Variants in PLCG2 observed in about 807,000 individuals in gnomAD.
The protein encoded by PLCG2 is phospholipase C gamma 2.
A neutral mutation model predicts 175.6 loss-of-function variants in PLCG2; 69 were observed. The observed-to-expected ratio is 0.39, with a 90% CI of 0.32 to 0.48. PLCG2 has a LOEUF of 0.48. Ranked by LOEUF, PLCG2 falls within the 20% of genes least tolerant of loss-of-function variation. The pLI is 0.91. For synonymous variants in PLCG2, 827 were observed against 624.0 expected (o/e 1.33, Z -4.85); for missense variants, 1,798 against 1,650.9 (o/e 1.09, Z -1.54).
intron 3 of PLCG2, among the ~76,000 whole-genome samples, chr16:81,855,627 C>CGGGGA (rs1567500486): frequency 1.3e-5 from 2 of 152,254 alleles, no homozygotes; most frequent in East Asian, 1.9e-4. Flanking sequence ...AGCTCTCAGT[C>CGGGGA]GACTTGGGGA....
chr16:81,942,176 C>A (rs988378948), intron 30 of PLCG2, among the ~76,000 whole-genome samples: 1 of 152,148 alleles, frequency 6.6e-6, no homozygotes, highest in Non-Finnish European at 1.5e-5. Flanking sequence ...GTTACCCCGA[C>A]GTCCTCTTGA....
Position 81,800,004 on chromosome 16 carries a change from A to G in PLCG2, c.193+13822A>G, listed in dbSNP as rs1372629370. Among the ~76,000 whole-genome samples, 4 of 152,246 alleles carry G rather than the reference A, an allele frequency of 2.6e-5. No individual in the cohort carries two copies. The South Asian group carries it at 6.2e-4, about 24-fold the overall frequency. On this transcript the variant is annotated intron_variant, in intron 2 of 32. Transcript: ENST00000564138. ...GACTGCCTGGGTTCAGATCTTGGCTATGCCACTTATCCCATTTGTGGCCAT... is the reference window on the plus strand; with the variant it reads ...GACTGCCTGGGTTCAGATCTTGGCTGTGCCACTTATCCCATTTGTGGCCAT...
chr16:81,948,492 G>C (rs538388869), intron 31 of PLCG2, among the ~76,000 whole-genome samples: 97 of 152,282 alleles, frequency 6.4e-4, no homozygotes, highest in African/African-American at 2.1e-3. Flanking sequence ...TGCAAGGGGT[G>C]GAGAGGCCCT....
Position 81,869,222 on chromosome 16 carries a change from T to C in PLCG2, c.488T>C (p.Leu163Pro), listed in dbSNP as rs1214602594. Reference sequence around the variant, plus strand: ...GTCTCCCTCTTTTGCAGCATCAGTCTCCGAGAGTTGAAGACCATCTTGCCC... The same window carrying C: ...GTCTCCCTCTTTTGCAGCATCAGTCCCCGAGAGTTGAAGACCATCTTGCCC... ...VDQTRRNSIS[L>P]RELKTILPLI... The change falls in exon 6 of 33, where the codon CTC becomes CCC. Residue 163 changes from leucine (L) to proline (P), a missense_variant. By Grantham distance (98) the Leu-to-Pro change is moderately conservative. Transcript: ENST00000564138. 2 of 1,613,668 alleles carry C rather than the reference T, an allele frequency of 1.2e-6. No individual in the cohort carries two copies. Among genetic ancestry groups the C allele is most frequent in the East Asian group, 2.2e-5 (1 of 44,890 alleles).
intron 26 of PLCG2, 42 bp from the exon 27 acceptor site, chr16:81,936,127 A>G (rs374636399): frequency 2.5e-6 from 4 of 1,608,298 alleles, no homozygotes; most frequent in Non-Finnish European, 3.4e-6. Context: ...AAATGCACAG[A>G]TGAGACACAG....
intron 2 of PLCG2, among the ~76,000 whole-genome samples, chr16:81,839,518 A>G (rs576778029): frequency 1.5e-4 from 23 of 152,262 alleles, no homozygotes; most frequent in Non-Finnish European, 2.1e-4. Context: ...TTTTTGTTAT[A>G]TTTGCATACC....
At position 81,927,888 on chromosome 16, in the gene PLCG2, G is replaced by A. The variant is rs141941061; in HGVS notation, c.2515-670G>A. On this transcript the variant is annotated intron_variant, in intron 23 of 32. Transcript: ENST00000564138. ...GGCAGTGGGAATGTGGTTGTGTTCC[G>A]TGTGCTTGGGCTGAGGCAGAGACTG... is the stretch of plus-strand genomic sequence containing the variant. 2.4e-3 allele frequency among the ~76,000 whole-genome samples: 368 copies of A among 152,302 alleles called. 1 individual carries two copies. Among genetic ancestry groups the A allele is most frequent in the African/African-American group, 8.3e-3 (343 of 41,554 alleles).
At chr16:81,806,002 C>A (rs1010657637) in intron 2 of PLCG2, among the ~76,000 whole-genome samples, 1 of 151,618 alleles carries the variant, frequency 6.6e-6, no homozygotes, top group African/African-American at 2.4e-5. Flanking sequence ...GTGAAACTAA[C>A]TTTATTAATA....
intron 2 of PLCG2, among the ~76,000 whole-genome samples, chr16:81,758,070 G>A (rs1355586734): frequency 6.6e-6 from 1 of 152,110 alleles, no homozygotes. Flanking sequence ...CCACCTCACG[G>A]GCTCAAGCGA....
At chr16:81,790,260 AG>A (rs1911171705) in intron 2 of PLCG2, among the ~76,000 whole-genome samples, 1 of 152,252 alleles carries the variant, frequency 6.6e-6, no homozygotes, top group African/African-American at 2.4e-5. Flanking sequence ...AGTCTTCCTT[AG>A]GGGTTTGGAC....
intron 2 of PLCG2, among the ~76,000 whole-genome samples, chr16:81,850,836 C>G (rs1906369898): frequency 6.6e-6 from 1 of 152,194 alleles, no homozygotes; most frequent in African/African-American, 2.4e-5. Context: ...AGGTGGAGGA[C>G]TGGTCATTCT....
chr16:81,934,853 G>C (rs1567539762), intron 26 of PLCG2, among the ~76,000 whole-genome samples: 1 of 152,180 alleles, frequency 6.6e-6, no homozygotes, highest in Non-Finnish European at 1.5e-5. Flanking sequence ...TGAGAAGCAA[G>C]TGAAAGGGGA....
intron 10 of PLCG2, among the ~76,000 whole-genome samples, chr16:81,890,849 T>C (rs930806695): frequency 6.6e-6 from 1 of 152,210 alleles, no homozygotes; most frequent in Admixed American, 6.5e-5. Flanking sequence ...CAAATATTCA[T>C]GCTACTATTA....
At chr16:81,791,940 T>G (rs1264643168) in intron 2 of PLCG2, among the ~76,000 whole-genome samples, 3 of 152,170 alleles carry the variant, frequency 2.0e-5, no homozygotes, top group Non-Finnish European at 4.4e-5. Flanking sequence ...AGCTACAGGC[T>G]TCTTACGACA....
At chr16:81,926,770 G>A (rs879621752) in intron 22 of PLCG2, among the ~76,000 whole-genome samples, 2 of 152,198 alleles carry the variant, frequency 1.3e-5, no homozygotes, top group African/African-American at 4.8e-5. Flanking sequence ...CGAAATAGGG[G>A]TGAACTTTTG....
At chr16:81,750,046 G>GA (rs894602394) in intron 1 of PLCG2, among the ~76,000 whole-genome samples, 1,920 of 145,554 alleles carry the variant, frequency 0.013, 46 homozygotes, top group African/African-American at 0.045. Flanking sequence ...ATCCCATTGT[G>GA]AAAAAAAAAA....
At chr16:81,789,794 C>T (rs561206473) in intron 2 of PLCG2, among the ~76,000 whole-genome samples, 16 of 152,144 alleles carry the variant, frequency 1.1e-4, no homozygotes, top group African/African-American at 2.9e-4. Flanking sequence ...TCCTCTCCCT[C>T]CTCTTCTCCC....
At chr16:81,805,775 T>G (rs866178393) in intron 2 of PLCG2, among the ~76,000 whole-genome samples, 1,387 of 102,622 alleles carry the variant, frequency 0.014, 35 homozygotes, top group African/African-American at 0.048. Context: ...TTGTTTTTTT[T>G]TTTTTTTGTT....
At chr16:81,884,305 T>C (rs944152666) in intron 9 of PLCG2, among the ~76,000 whole-genome samples, 2 of 151,832 alleles carry the variant, frequency 1.3e-5, no homozygotes, top group Admixed American at 6.6e-5. Context: ...GAGCCGAGAT[T>C]GCGCCACTGG....
Sources: gnomAD v4.1 joint callset for allele counts (sites outside exome capture counted in the v4.1 genomes callset) on GRCh38, gnomAD v4.1.1 for gene constraint, MANE v1.5 for transcripts, NCBI Gene and HGNC (gene_info 2026-07-23, HGNC 2026-07-21) for gene names.